Variants in DPY19L2 observed in about 807,000 individuals in gnomAD.
The protein encoded by DPY19L2 is probable C-mannosyltransferase DPY19L2.
In DPY19L2, 34 loss-of-function variants were observed where a neutral mutation model predicts 97.9. The observed-to-expected ratio is 0.35, with a 90% CI of 0.26 to 0.46. The LOEUF (loss-of-function observed/expected upper bound fraction) is 0.46. DPY19L2 is among the 20% of genes least tolerant of loss of function. The pLI, the probability that DPY19L2 is intolerant of heterozygous loss-of-function variation, is 1.00. For synonymous variants in DPY19L2, 230 were observed against 307.9 expected (o/e 0.75, Z 2.65); for missense variants, 623 against 911.4 (o/e 0.68, Z 4.07).
At chr12:63,600,791 T>G (rs1255010395) in intron 12 of DPY19L2, among the ~76,000 whole-genome samples, 1 of 123,872 alleles carries the variant, frequency 8.1e-6, no homozygotes, top group Non-Finnish European at 1.7e-5. Flanking sequence ...AAGGAAGTTT[T>G]TTTTTTTTTT....
chr12:63,615,194 A>C (rs558028623), intron 11 of DPY19L2, among the ~76,000 whole-genome samples: 1 of 152,318 alleles, frequency 6.6e-6, no homozygotes, highest in African/African-American at 2.4e-5. Context: ...AAACCTAAAC[A>C]CACATATACA....
intron 12 of DPY19L2, among the ~76,000 whole-genome samples, chr12:63,602,774 A>G (rs1885390586): frequency 6.6e-6 from 1 of 152,166 alleles, no homozygotes; most frequent in Admixed American, 6.5e-5. Flanking sequence ...AAAATTGAGA[A>G]CCAAGAATTT....
chr12:63,646,780 A>G (rs1893467713), intron 5 of DPY19L2, among the ~76,000 whole-genome samples: 1 of 152,194 alleles, frequency 6.6e-6, no homozygotes, highest in Admixed American at 6.5e-5. Context: ...GAGTTTTATT[A>G]ATAGTACTCA....
At chr12:63,581,417 T>A (rs4763094) in intron 18 of DPY19L2, among the ~76,000 whole-genome samples, 94,920 of 150,254 alleles carry the variant, frequency 0.63, 31,103 homozygotes, top group African/African-American at 0.81. Context: ...TAGAGCAATT[T>A]CTCTGCATCT....
chr12:63,570,312 T>C (rs971318288), intron 20 of DPY19L2, among the ~76,000 whole-genome samples: 11 of 152,308 alleles, frequency 7.2e-5, no homozygotes, highest in African/African-American at 2.4e-4. Flanking sequence ...ATGTACTTTT[T>C]CTACCTGTCA....
At chr12:63,573,836 A>C (rs1033530645) in intron 19 of DPY19L2, among the ~76,000 whole-genome samples, 1 of 152,158 alleles carries the variant, frequency 6.6e-6, no homozygotes, top group Non-Finnish European at 1.5e-5. Flanking sequence ...ATCCAGAGAA[A>C]ATGTCCTTCA....
At chr12:63,607,438 CA>C (rs1886241882) in intron 12 of DPY19L2, among the ~76,000 whole-genome samples, 1 of 152,110 alleles carries the variant, frequency 6.6e-6, no homozygotes, top group Non-Finnish European at 1.5e-5. Flanking sequence ...GTAGAACCAA[CA>C]AAGAATAATA....
In DPY19L2 at chr12:63,668,058, G is replaced by A. The variant is rs1490654554; in HGVS notation, c.336C>T (p.Ile112=). ...AGGGCTCTCCTGCCCTCTCCTCACCGATGCCGAGAGTGGTTCTGCTGGAGA... is the reference window on the plus strand; with the variant it reads ...AGGGCTCTCCTGCCCTCTCCTCACCAATGCCGAGAGTGGTTCTGCTGGAGA... ...RRFSSRTTLG[I]AVFVAILHWL... The change falls in exon 1 of 22, where the codon ATC becomes ATT. Residue 112 remains isoleucine, a splice_region_variant and synonymous_variant. Transcript: ENST00000324472. The A allele has an allele frequency of 1.7e-5, 27 of 1,613,270 alleles. No homozygotes were observed. The Admixed American group carries it at 2.7e-4, about 16-fold the overall frequency.
At chr12:63,634,793 C>A (rs1891369247) in intron 6 of DPY19L2, among the ~76,000 whole-genome samples, 1 of 152,148 alleles carries the variant, frequency 6.6e-6, no homozygotes, top group African/African-American at 2.4e-5. Context: ...GAAGCTCGAA[C>A]AGGGTGGAGC....
chr12:63,637,203 T>C (rs925990143), intron 6 of DPY19L2, among the ~76,000 whole-genome samples: 2 of 152,004 alleles, frequency 1.3e-5, no homozygotes, highest in Non-Finnish European at 2.9e-5. Context: ...CATAACGAAA[T>C]GAAAGCAGAA....
At chr12:63,608,341 C>G (rs1372718575) in intron 12 of DPY19L2, among the ~76,000 whole-genome samples, 1 of 152,050 alleles carries the variant, frequency 6.6e-6, no homozygotes, top group East Asian at 1.9e-4. Context: ...TTTTAAAAAG[C>G]AAGGCTGTAT....
At chr12:63,649,188 G>A (rs377451002) in intron 4 of DPY19L2, among the ~76,000 whole-genome samples, 43 of 152,084 alleles carry the variant, frequency 2.8e-4, no homozygotes, top group African/African-American at 1.0e-3. Flanking sequence ...GCAGTGTTAA[G>A]AGGAAAATTT....
intron 12 of DPY19L2, among the ~76,000 whole-genome samples, chr12:63,605,525 A>ACACACACGTGTG (rs1885889936): frequency 1.3e-5 from 2 of 152,260 alleles, no homozygotes; most frequent in Non-Finnish European, 2.9e-5. Context: ...GATTTCATAC[A>ACACACACGTGTG]CACACACGTG....
chr12:63,599,147 G>A (rs1208560988), intron 13 of DPY19L2, among the ~76,000 whole-genome samples: 2 of 150,892 alleles, frequency 1.3e-5, no homozygotes, highest in African/African-American at 4.9e-5. Flanking sequence ...ATTCCAGCCT[G>A]GGTGACAGCA....
In DPY19L2 at chr12:63,624,105, A is replaced by C. The variant is rs2137833031; in HGVS notation, c.888T>G (p.Pro296=). The change falls in exon 8 of 22, where the codon CCT becomes CCG. Residue 296 remains proline (P), a synonymous_variant. Coordinates refer to ENST00000324472, the MANE Select transcript of DPY19L2 (RefSeq NM_173812.5). The part of the protein sequence containing the change: ...GEATRVMWTP[P]LRESFSYPFL... The stretch of plus-strand genomic sequence containing the variant: ...AAGGATAGGAAAAACTTTCACGGAG[A>C]GGTGGTGTCCACATCACACGGGTGG... The C allele has an allele frequency of 1.9e-6, 3 of 1,611,746 alleles. No individual in the cohort carries two copies. The highest frequency in any genetic ancestry group is 1.3e-5 in the African/African-American group (1 of 74,968).
At chr12:63,612,969 A>G (rs1343336062) in intron 11 of DPY19L2, among the ~76,000 whole-genome samples, 1 of 152,148 alleles carries the variant, frequency 6.6e-6, no homozygotes, top group Admixed American at 6.5e-5. Context: ...GAGGAAATGG[A>G]TAACACGAAT....
chr12:63,627,480 A>G (rs1057473616), intron 6 of DPY19L2, among the ~76,000 whole-genome samples: 6 of 151,976 alleles, frequency 3.9e-5, no homozygotes, highest in Non-Finnish European at 8.8e-5. Flanking sequence ...CCTCCCGAGT[A>G]GCTGGGATTA....
chr12:63,563,283 A>G (rs1246461482), intron 21 of DPY19L2, among the ~76,000 whole-genome samples: 1 of 152,062 alleles, frequency 6.6e-6, no homozygotes, highest in Non-Finnish European at 1.5e-5. Flanking sequence ...ATGAAGTCCT[A>G]TTTATCAATG....
At chr12:63,625,474 A>G (rs1462789652) in intron 7 of DPY19L2, among the ~76,000 whole-genome samples, 1 of 152,118 alleles carries the variant, frequency 6.6e-6, no homozygotes, top group Non-Finnish European at 1.5e-5. Flanking sequence ...AAGAGCTAGT[A>G]GTCAGAATCT....
Sources: gnomAD v4.1 joint callset for allele counts (sites outside exome capture counted in the v4.1 genomes callset) on GRCh38, gnomAD v4.1.1 for gene constraint, MANE v1.5 for transcripts, NCBI Gene and HGNC (gene_info 2026-07-23, HGNC 2026-07-21) for gene names.